Variants in TAOK1 observed in about 807,000 individuals in gnomAD.
TAOK1 encodes serine/threonine-protein kinase TAO1.
Under a neutral mutation model 138.3 loss-of-function variants are expected in TAOK1, and 21 were observed. The ratio of observed to expected loss-of-function variants is 0.15; its 90% CI spans 0.11 to 0.22. TAOK1 has a LOEUF of 0.22. Among genes scored for constraint, TAOK1 ranks in the 10% least tolerant of loss-of-function variants. The pLI, the probability that TAOK1 is intolerant of heterozygous loss-of-function variation, is 1.00. For synonymous variants in TAOK1, 361 were observed against 398.4 expected (o/e 0.91, Z 1.12); for missense variants, 651 against 1,227.7 (o/e 0.53, Z 7.02).
intron 15 of TAOK1, chr17:29,513,145 ATAAG>A (rs1317038358): frequency 1.1e-4 from 16 of 145,704 alleles, no homozygotes; most frequent in Non-Finnish European, 4.5e-5. Flanking sequence ...TTTTGATAAA[ATAAG>A]TATAATCAAT....
chr17:29,408,222 GTTTTTTTTTT>G (rs1180646566), intron 1 of TAOK1, among the ~76,000 whole-genome samples: 6 of 130,940 alleles, frequency 4.6e-5, no homozygotes, highest in Non-Finnish European at 6.6e-5. Context: ...TGGCCATAAG[GTTTTTTTTTT>G]TTTTTTTTGA....
rs200518389 is a variant in TAOK1 at position 29,517,698 on chromosome 17, G to A, written c.1908+42G>A. 3 of 1,550,304 alleles carry A rather than the reference G, an allele frequency of 1.9e-6. No individual in the cohort carries two copies. In the East Asian group the frequency reaches 6.8e-5, roughly 35 times the overall value. ...AGAAATTTTAAATCCTTTATCAAAA[G>A]AATCTTTCCTGAAAATATTCCAATT... On this transcript the variant is annotated intron_variant, in intron 16 of 19. Transcript: ENST00000261716.
At chr17:29,424,619 A>G (rs866159408) in intron 1 of TAOK1, 4 of 152,134 alleles carry the variant, frequency 2.6e-5, no homozygotes, top group Non-Finnish European at 5.9e-5. Context: ...AAGGAGGTCA[A>G]TAGTAGGAGA....
intron 1 of TAOK1, among the ~76,000 whole-genome samples, chr17:29,432,875 T>A (rs550552050): frequency 6.6e-6 from 1 of 152,218 alleles, no homozygotes; most frequent in East Asian, 1.9e-4. Context: ...TCCTTCTGCC[T>A]TAGCCTCCTG....
rs1351191928 is a variant in TAOK1 at position 29,542,883 on chromosome 17, G to A, written c.2867G>A (p.Arg956Gln). The change falls in exon 20 of 20, where the codon CGA becomes CAA. Residue 956 changes from arginine to glutamine, a missense_variant. By Grantham distance (43) the Arg-to-Gln change is conservative (BLOSUM62 1). Transcript: ENST00000261716. ...HPSGPMQGVP[R>Q]GSSMGVRNSP... is the part of the protein sequence containing the mutation. ...TCAGGGCCAATGCAAGGGGTACCTC[G>A]AGGTAGCAGTATGGGAGTCCGCAAT... The A allele has an allele frequency of 2.5e-6, 4 of 1,614,040 alleles. No individual in the cohort carries two copies. Among genetic ancestry groups the A allele is most frequent in the East Asian group, 2.2e-5 (1 of 44,880 alleles).
chr17:29,419,559 C>T (rs1446894378), intron 1 of TAOK1, among the ~76,000 whole-genome samples: 2 of 146,918 alleles, frequency 1.4e-5, no homozygotes, highest in Non-Finnish European at 3.0e-5. Flanking sequence ...GTGGTGTGAT[C>T]AAGGCTCACT....
At chr17:29,481,781 A>C (rs936220681) in intron 7 of TAOK1, among the ~76,000 whole-genome samples, 2 of 151,894 alleles carry the variant, frequency 1.3e-5, no homozygotes, top group Admixed American at 6.6e-5. Flanking sequence ...AACACGGTGA[A>C]ACTCCATCTC....
intron 1 of TAOK1, among the ~76,000 whole-genome samples, chr17:29,446,155 C>G (rs2030072206): frequency 6.6e-6 from 1 of 152,076 alleles, no homozygotes; most frequent in Non-Finnish European, 1.5e-5. Context: ...TGCTTGTTTT[C>G]CTTTGTTAGT....
intron 7 of TAOK1, among the ~76,000 whole-genome samples, chr17:29,481,690 T>C (rs1249513776): frequency 6.6e-5 from 10 of 151,642 alleles, no homozygotes; most frequent in Non-Finnish European, 1.2e-4. Context: ...CCAGGTGCGG[T>C]GGATCACGCC....
At chr17:29,522,967 C>T (rs989817930) in intron 17 of TAOK1, among the ~76,000 whole-genome samples, 2 of 151,182 alleles carry the variant, frequency 1.3e-5, no homozygotes, top group Non-Finnish European at 2.9e-5. Context: ...CCCAGCTACT[C>T]GGGGGGCTGA....
intron 17 of TAOK1, among the ~76,000 whole-genome samples, chr17:29,527,513 T>TA (rs1470337195): frequency 6.6e-6 from 1 of 152,142 alleles, no homozygotes; most frequent in Non-Finnish European, 1.5e-5. Flanking sequence ...GAGTTTCTCT[T>TA]ACTAGCTAGA....
intron 3 of TAOK1, among the ~76,000 whole-genome samples, chr17:29,473,759 C>G (rs1159060716): frequency 6.6e-6 from 1 of 151,718 alleles, no homozygotes; most frequent in Non-Finnish European, 1.5e-5. Flanking sequence ...CAGAGTCTCT[C>G]TCTGTTGCCC....
At chr17:29,488,576 A>AATAATAATAAT (rs2031226559) in intron 8 of TAOK1, among the ~76,000 whole-genome samples, 2 of 145,474 alleles carry the variant, frequency 1.4e-5, no homozygotes, top group East Asian at 4.0e-4. Context: ...ACATCTCAAA[A>AATAATAATAAT]AATAATAATA....
chr17:29,431,803 ATTT>A (rs71360705), intron 1 of TAOK1, among the ~76,000 whole-genome samples: 1 of 113,054 alleles, frequency 8.8e-6, no homozygotes. Flanking sequence ...TGCCTGGCTA[ATTT>A]TTTTTTTTTT....
chr17:29,497,968 C>T (rs1225264629), intron 11 of TAOK1, among the ~76,000 whole-genome samples: 1 of 151,652 alleles, frequency 6.6e-6, no homozygotes, highest in Non-Finnish European at 1.5e-5. Flanking sequence ...GAGAAATGAG[C>T]AGGATCTCTA....
At chr17:29,525,626 C>T (rs2031996549) in intron 17 of TAOK1, among the ~76,000 whole-genome samples, 1 of 152,190 alleles carries the variant, frequency 6.6e-6, no homozygotes, top group Non-Finnish European at 1.5e-5. Flanking sequence ...AACTCCTGAC[C>T]TCAGGTGATC....
intron 17 of TAOK1, among the ~76,000 whole-genome samples, chr17:29,528,968 C>CTT (rs377040359): frequency 0.024 from 2,992 of 126,938 alleles, 120 homozygotes; most frequent in African/African-American, 0.077. Flanking sequence ...GCTTTTATAT[C>CTT]TTTTTTTTTT....
intron 8 of TAOK1, among the ~76,000 whole-genome samples, chr17:29,488,074 G>T (rs1309073834): frequency 1.3e-5 from 2 of 152,148 alleles, no homozygotes; most frequent in African/African-American, 4.8e-5. Flanking sequence ...GGACATTCAG[G>T]AGTCCTGTAT....
At chr17:29,469,937 A>G (rs915774234) in intron 3 of TAOK1, among the ~76,000 whole-genome samples, 3 of 152,198 alleles carry the variant, frequency 2.0e-5, no homozygotes, top group Non-Finnish European at 4.4e-5. Flanking sequence ...ACACCGGAAC[A>G]TATTTTGCTG....
Sources: gnomAD v4.1 joint callset for allele counts (sites outside exome capture counted in the v4.1 genomes callset) on GRCh38, gnomAD v4.1.1 for gene constraint, MANE v1.5 for transcripts, NCBI Gene and HGNC (gene_info 2026-07-23, HGNC 2026-07-21) for gene names.